ADGRA2: variants seen among roughly 807,000 people sequenced by gnomAD.
ADGRA2 encodes the protein G-protein coupled receptor 124.
ADGRA2 carries 61 observed loss-of-function variants against 98.7 expected under a neutral mutation model. That is an observed-to-expected ratio of 0.62 (90% CI 0.50 to 0.76). The LOEUF is 0.76. Ranked by LOEUF, ADGRA2 falls within the 30% of genes least tolerant of loss-of-function variation. ADGRA2 has a pLI of 0.00. For synonymous variants in ADGRA2, 858 were observed against 831.5 expected (o/e 1.03, Z -0.55); for missense variants, 1,712 against 1,860.0 (o/e 0.92, Z 1.46).
chr8:37,835,625 C>T lies in ADGRA2; in HGVS notation c.1905C>T (p.Pro635=). ...CATCCCTTCCGGCTGCCCTGGCTCCCCCGGTGCCCCCAGACTGCACCCTGC... is the reference window on the plus strand; with the variant it reads ...CATCCCTTCCGGCTGCCCTGGCTCCTCCGGTGCCCCCAGACTGCACCCTGC... ...LFSSLPAALA[P]PVPPDCTLQL... is the part of the protein sequence containing the mutation. Residue 635 remains proline, a synonymous_variant, in exon 13 of 19, where the codon CCC becomes CCT. Coordinates refer to ENST00000412232, the MANE Select transcript of ADGRA2 (RefSeq NM_032777.10). The T allele has an allele frequency of 6.2e-7, 1 of 1,613,618 alleles. No individual in the cohort carries two copies. The highest frequency in any genetic ancestry group is 1.1e-5 in the South Asian group (1 of 91,060).
intron 2 of ADGRA2, among the ~76,000 whole-genome samples, chr8:37,825,895 G>A (rs556523890): frequency 2.8e-4 from 42 of 152,224 alleles, no homozygotes; most frequent in Non-Finnish European, 4.6e-4. Flanking sequence ...TGGTCACCCC[G>A]AGGCTCCTCC....
rs147091227 is a variant in ADGRA2 at position 37,837,236 on chromosome 8, G to A, written c.2051-495G>A. Among the ~76,000 whole-genome samples, 748 of 152,338 alleles carry A rather than the reference G, an allele frequency of 4.9e-3. 10 individuals are homozygous for A. The highest frequency in any genetic ancestry group is 0.016 in the African/African-American group (678 of 41,578). ...AGGTGAAAGCCCTGTGTCCGCAACC[G>A]CGTGGGCTGTGGGAGTGTGTGGGTT... On this transcript the variant is annotated intron_variant, in intron 13 of 18. Transcript: ENST00000412232.
At chr8:37,815,432 C>T (rs143037120) in intron 2 of ADGRA2, among the ~76,000 whole-genome samples, 8 of 152,352 alleles carry the variant, frequency 5.3e-5, no homozygotes, top group South Asian at 2.1e-4. Context: ...GCCTCTCCCC[C>T]ACTCCAGCCC....
In ADGRA2 at chr8:37,844,749, C is replaced by A; in HGVS notation, c.*2394C>A. On this transcript the variant is annotated 3_prime_UTR_variant, in exon 19 of 19. Coordinates refer to ENST00000412232, the MANE Select transcript of ADGRA2 (RefSeq NM_032777.10). ...GGAATTATTTCCCACCTCCCCTTCT[C>A]CTTGCCCCTGTCCCCACCCCGGTGG... 1 of 1,614,110 alleles carries A rather than the reference C, an allele frequency of 6.2e-7. No homozygotes were observed. Among genetic ancestry groups the A allele is most frequent in the Non-Finnish European group, 8.5e-7 (1 of 1,180,018 alleles).
chr8:37,829,055 C>CA, intron 3 of ADGRA2, 96 bp downstream of exon 3: 2 of 899,004 alleles, frequency 2.2e-6, no homozygotes, highest in South Asian at 1.7e-5. Context: ...CTCACCCCCC[C>CA]ACACCTGCCC....
rs377055388 is a variant in ADGRA2 at position 37,840,182 on chromosome 8, G to A, written c.2573G>A (p.Arg858Gln). The change falls in exon 17 of 19, where the codon CGA (arginine) becomes CAA (glutamine). Residue 858 changes from arginine to glutamine, a missense_variant. Coordinates refer to ENST00000412232, the MANE Select transcript of ADGRA2 (RefSeq NM_032777.10). ...STLLWMGVKA[R>Q]VLHKELTWRA... ...CTGCTCTGGATGGGCGTGAAGGCGC[G>A]AGTGCTCCATAAGGAGCTCACCTGG... 2.7e-5 allele frequency: 44 copies of A among 1,611,918 alleles called. No individual in the cohort carries two copies. The highest frequency in any genetic ancestry group is 1.8e-4 in the East Asian group (8 of 44,886).
chr8:37,837,886 C>T lies in ADGRA2; in HGVS notation c.2206C>T (p.Pro736Ser). The change falls in exon 14 of 19, where the codon CCC becomes TCC. Residue 736 changes from proline (P) to serine (S), a missense_variant. Pro to Ser is a moderately conservative substitution (Grantham distance 74, BLOSUM62 -1). Transcript: ENST00000412232. ...GGGCTGCCAGCTCCGCTCCAGCCAG[C>T]CCAATGTCAGCGCCCTGCACTGCCA... The part of the protein sequence containing the change: ...SEGCQLRSSQ[P>S]NVSALHCQHL... The T allele has an allele frequency of 6.7e-7, 1 of 1,490,826 alleles. No homozygotes were observed. The highest frequency in any genetic ancestry group is 8.9e-7 in the Non-Finnish European group (1 of 1,119,344). 92.3% of individuals were successfully genotyped at this position (1,490,826 alleles called of 1,614,324 possible).
At chr8:37,799,305 G>A (rs1479390753) in intron 1 of ADGRA2, among the ~76,000 whole-genome samples, 2 of 152,016 alleles carry the variant, frequency 1.3e-5, no homozygotes, top group African/African-American at 2.4e-5. Flanking sequence ...AACCCGGGAG[G>A]CGGAGGTTGC....
intron 13 of ADGRA2, among the ~76,000 whole-genome samples, chr8:37,837,390 C>T (rs1805650658): frequency 7.1e-6 from 1 of 140,290 alleles, no homozygotes; most frequent in Non-Finnish European, 1.5e-5. Context: ...CTTCGCCTGG[C>T]TTCTGTTCCC....
rs763759923 is a variant in ADGRA2, at chr8:37,797,563, C to G, written c.266+29C>G. The G allele has an allele frequency of 1.5e-6, 2 of 1,332,642 alleles. No homozygotes were observed. Among genetic ancestry groups the G allele is most frequent in the Non-Finnish European group, 1.9e-6 (2 of 1,034,228 alleles). 82.6% of individuals were successfully genotyped at this position (1,332,642 alleles called of 1,614,324 possible). A position where few individuals can be genotyped will look rare whatever the true frequency, so the allele number is the denominator to read the frequency against. On this transcript the variant is annotated intron_variant, in intron 1 of 18. Coordinates refer to ENST00000412232, the MANE Select transcript of ADGRA2 (RefSeq NM_032777.10). This position sits in a 1 kb window ranked among gnomAD's most constrained non-coding sequence, Gnocchi z 5.3. ...AGTACCCTACCAGGCCAGTTCCGTC[C>G]GAGCCGGGACTGGGGACGAAGGGAG...
intron 14 of ADGRA2, 25 bp from the exon 15 acceptor site, chr8:37,838,931 C>A (rs371445004): frequency 6.5e-7 from 1 of 1,547,598 alleles, no homozygotes; most frequent in South Asian, 1.3e-5. Flanking sequence ...ACATTCCTCA[C>A]GTCCTCCTTC....
At chr8:37,823,792 T>C (rs1334707116) in intron 2 of ADGRA2, among the ~76,000 whole-genome samples, 2 of 152,248 alleles carry the variant, frequency 1.3e-5, no homozygotes, top group Non-Finnish European at 2.9e-5. Context: ...GCATTTCCCT[T>C]ACTGCTGGTG....
intron 1 of ADGRA2, among the ~76,000 whole-genome samples, chr8:37,804,132 C>CACACACACACACACAT (rs1563337099): frequency 2.6e-5 from 4 of 151,194 alleles, no homozygotes; most frequent in African/African-American, 9.7e-5. Flanking sequence ...CACACACACA[C>CACACACACACACACAT]ACACACACAC....
At position 37,815,488 on chromosome 8, in the gene ADGRA2, C is replaced by CTGGACT. The variant is rs545072543; in HGVS notation, c.338+524_338+525insACTTGG. Among the ~76,000 whole-genome samples the CTGGACT allele has an allele frequency of 1.9e-4, 29 of 152,374 alleles. No homozygotes were observed. The East Asian group carries it at 4.5e-3, about 23-fold the overall frequency. On this transcript the variant is annotated intron_variant, in intron 2 of 18. Coordinates refer to ENST00000412232, the MANE Select transcript of ADGRA2 (RefSeq NM_032777.10). ...CGCCTGGGCAGTGGCAGCCTTCAGG[C>CTGGACT]TGGCCTTGGCCCTGAGGCTGCCAGC... is the stretch of plus-strand genomic sequence containing the variant.
intron 2 of ADGRA2, among the ~76,000 whole-genome samples, chr8:37,820,877 C>T (rs1040339462): frequency 6.8e-6 from 1 of 146,920 alleles, no homozygotes; most frequent in African/African-American, 2.6e-5. Context: ...GGCCACAGAG[C>T]GGATGCCCAG....
rs773548252 is a variant in ADGRA2 at position 37,829,366 on chromosome 8, A to G, written c.482+34A>G. The G allele has an allele frequency of 3.2e-6, 5 of 1,586,538 alleles. No individual in the cohort carries two copies. The African/African-American group carries it at 5.4e-5, about 17-fold the overall frequency. ...TGGGGTGAGAAGTGGGGAGGGGAGG[A>G]GAGGGAAGAAGTGCATAGGAAGCAA... On this transcript the variant is annotated intron_variant, in intron 4 of 18. Coordinates refer to ENST00000412232, the MANE Select transcript of ADGRA2 (RefSeq NM_032777.10).
chr8:37,819,925 C>G (rs1805084937), intron 2 of ADGRA2, among the ~76,000 whole-genome samples: 1 of 152,152 alleles, frequency 6.6e-6, no homozygotes. Context: ...CCCACCTCAG[C>G]CTCCCAAAGT....
chr8:37,815,026 C>A (rs1804937458), intron 2 of ADGRA2, 59 bp downstream of exon 2: 1 of 1,194,008 alleles, frequency 8.4e-7, no homozygotes, highest in African/African-American at 1.5e-5. Context: ...AAGAGGTCAC[C>A]CCGGGGAGGA....
At chr8:37,840,020 G>T in intron 16 of ADGRA2, 101 bp from the exon 17 acceptor site, 1 of 1,118,600 alleles carries the variant, frequency 8.9e-7, no homozygotes, top group Non-Finnish European at 1.3e-6. Flanking sequence ...AAAGCTGGGG[G>T]CCGGAGGCTG....
Sources: gnomAD v4.1 joint callset for allele counts (sites outside exome capture counted in the v4.1 genomes callset) on GRCh38, gnomAD v4.1.1 for gene constraint, Gnocchi (gnomAD v3.1) non-coding constraint, MANE v1.5 for transcripts, NCBI Gene and HGNC (gene_info 2026-07-23, HGNC 2026-07-21) for gene names.